Variants in USP38 observed in about 807,000 individuals in gnomAD.
USP38 encodes ubiquitin carboxyl-terminal hydrolase 38.
USP38 carries 49 observed loss-of-function variants against 94.3 expected under a neutral mutation model. The observed-to-expected ratio is 0.52, with a 90% CI of 0.41 to 0.66. The LOEUF (loss-of-function observed/expected upper bound fraction) is 0.66. Among genes scored for constraint, USP38 ranks in the 30% least tolerant of loss-of-function variants. The probability of loss-of-function intolerance (pLI) is 0.00; values close to 1 mark genes in which losing one functional copy is unlikely to be tolerated. For missense variants in USP38, 1,128 were observed against 1,229.4 expected, an observed-to-expected ratio of 0.92 and a Z score of 1.23; for synonymous variants, 468 against 463.6, an observed-to-expected ratio of 1.01 and a Z score of -0.12.
intron 2 of USP38, among the ~76,000 whole-genome samples, chr4:143,193,451 CT>C (rs1477545424): frequency 6.6e-6 from 1 of 152,166 alleles, no homozygotes. Flanking sequence ...TGTGTCTCTG[CT>C]TTGCTACTCT....
At chr4:143,190,123 C>G (rs1731353627) in intron 2 of USP38, among the ~76,000 whole-genome samples, 1 of 152,060 alleles carries the variant, frequency 6.6e-6, no homozygotes, top group African/African-American at 2.4e-5. Context: ...TGTAACAGCA[C>G]TAAAGTGTCT....
Position 143,185,790 on chromosome 4 carries a change from A to ATTATGAGCTGTCCG in USP38, c.342_355dup (p.Ser119LeufsTer2). The ATTATGAGCTGTCCG allele has an allele frequency of 6.2e-7, 1 of 1,614,208 alleles. No homozygotes were observed. Among genetic ancestry groups the ATTATGAGCTGTCCG allele is most frequent in the Non-Finnish European group, 8.5e-7 (1 of 1,180,030 alleles). On this transcript the variant is annotated frameshift_variant, in exon 1 of 10. Coordinates refer to ENST00000307017, the MANE Select transcript of USP38 (RefSeq NM_032557.6). LOFTEE classifies it high-confidence loss of function. ...CTACATTCACAACGGCCTGAAGCTG[A>ATTATGAGCTGTCCG]TTATGAGCTGTCCGTCGGTGCTGGA...
intron 7 of USP38, among the ~76,000 whole-genome samples, chr4:143,210,761 C>CA (rs973638847): frequency 2.0e-5 from 3 of 151,916 alleles, no homozygotes; most frequent in Middle Eastern, 3.4e-3. Context: ...CCAGAAGAAA[C>CA]AATAGGTTGA....
chr4:143,220,316 G>T lies in USP38; in HGVS notation c.2989G>T (p.Ala997Ser). Residue 997 changes from alanine to serine, a missense_variant, in exon 10 of 10, where the codon GCC becomes TCC. Transcript: ENST00000307017. ...TTAGGAACAAGAGTTGAATGCTCGAGCCCGGGCCCTCCAAGCTGCATCTGC... is the reference window on the plus strand; with the variant it reads ...TTAGGAACAAGAGTTGAATGCTCGATCCCGGGCCCTCCAAGCTGCATCTGC... ...YLQEQELNARARALQAASASC... is the reference protein window; with the variant it reads ...YLQEQELNARSRALQAASASC... The T allele has an allele frequency of 6.2e-7, 1 of 1,612,570 alleles. No individual in the cohort carries two copies.
intron 7 of USP38, 60 bp from the exon 8 acceptor site, chr4:143,212,258 A>G: frequency 1.5e-6 from 2 of 1,360,972 alleles, no homozygotes; most frequent in Non-Finnish European, 2.0e-6. Context: ...TTAAGATTTC[A>G]GTTACTTGGT....
At position 143,185,387 on chromosome 4, in the gene USP38, C is replaced by T; in HGVS notation, c.-64C>T. On this transcript the variant is annotated 5_prime_UTR_variant, in exon 1 of 10. Transcript: ENST00000307017. ...CATCTCCGCCCCGGGGCTCTCCTGCCCCACCTCGGGGCTGCCGCCACCCGC... is the reference window on the plus strand; with the variant it reads ...CATCTCCGCCCCGGGGCTCTCCTGCTCCACCTCGGGGCTGCCGCCACCCGC... The T allele has an allele frequency of 6.6e-7, 1 of 1,505,772 alleles. No homozygotes were observed. 93.3% of individuals were successfully genotyped at this position (1,505,772 alleles called of 1,614,324 possible).
Position 143,185,786 on chromosome 4 carries a change from G to T in USP38, c.336G>T (p.Lys112Asn). 4 of 1,614,212 alleles carry T rather than the reference G, an allele frequency of 2.5e-6. No homozygotes were observed. The highest frequency in any genetic ancestry group is 3.4e-6 in the Non-Finnish European group (4 of 1,180,032). Residue 112 changes from lysine to asparagine, a missense_variant, in exon 1 of 10, where the codon AAG (lysine) becomes AAT (asparagine). Lys to Asn is a moderately conservative substitution (Grantham distance 94, BLOSUM62 0). Coordinates refer to ENST00000307017, the MANE Select transcript of USP38 (RefSeq NM_032557.6). ...TGGACTACATTCACAACGGCCTGAAGCTGATTATGAGCTGTCCGTCGGTGC... is the reference window on the plus strand; with the variant it reads ...TGGACTACATTCACAACGGCCTGAATCTGATTATGAGCTGTCCGTCGGTGC... ...AILDYIHNGL[K>N]LIMSCPSVLD...
At chr4:143,190,055 T>C (rs1731351239) in intron 2 of USP38, among the ~76,000 whole-genome samples, 1 of 152,104 alleles carries the variant, frequency 6.6e-6, no homozygotes, top group Admixed American at 6.5e-5. Context: ...GTTCATCTCC[T>C]CATAATGTAA....
chr4:143,210,178 A>G (rs1731983864), intron 7 of USP38, among the ~76,000 whole-genome samples: 2 of 152,204 alleles, frequency 1.3e-5, no homozygotes, highest in Admixed American at 1.3e-4. Context: ...TTATGTCCAC[A>G]CATTAATCCG....
At chr4:143,200,452 A>G (rs1354466633) in intron 4 of USP38, among the ~76,000 whole-genome samples, 1 of 152,192 alleles carries the variant, frequency 6.6e-6, no homozygotes, top group East Asian at 1.9e-4. Flanking sequence ...AGCTAGAAGC[A>G]TTCCCCTTGA....
In USP38 at chr4:143,212,373, C is replaced by T; in HGVS notation, c.1553C>T (p.Thr518Ile). Residue 518 changes from threonine (T) to isoleucine (I), a missense_variant, in exon 8 of 10, where the codon ACT becomes ATT. By Grantham distance (89) the Thr-to-Ile change is moderately conservative. Transcript: ENST00000307017. ...FFEASRPPWF[T>I]PRSQQDCSEY... ...GAGGCTTCCAGACCTCCATGGTTTA[C>T]TCCCAGATCACAGCAAGACTGTTCT... 2 of 1,612,468 alleles carry T rather than the reference C, an allele frequency of 1.2e-6. No homozygotes were observed. Among genetic ancestry groups the T allele is most frequent in the South Asian group, 2.2e-5 (2 of 90,928 alleles).
chr4:143,205,956 A>T, intron 5 of USP38, 77 bp from the exon 6 acceptor site: 2 of 1,107,816 alleles, frequency 1.8e-6, no homozygotes, highest in Non-Finnish European at 2.5e-6. Context: ...GAATCTTCTT[A>T]ATGGTGTTAA....
chr4:143,198,937 A>AGGC (rs1398363680), intron 4 of USP38, among the ~76,000 whole-genome samples: 1 of 152,178 alleles, frequency 6.6e-6, no homozygotes, highest in Non-Finnish European at 1.5e-5. Flanking sequence ...CCTTGTCTTC[A>AGGC]GGCACAATCA....
rs1356098913 is a variant in USP38, at chr4:143,187,882, C to A, written c.739C>A (p.Gln247Lys). ...AAGCCTTGTGCAGCATATTCCTCTT[C>A]AGATGATTACAGTTCTCATCAGGAG... ...LASLVQHIPL[Q>K]MITVLIRSLT... The change falls in exon 2 of 10, where the codon CAG (glutamine) becomes AAG (lysine). Residue 247 changes from glutamine (Q) to lysine (K), a missense_variant. Coordinates refer to ENST00000307017, the MANE Select transcript of USP38 (RefSeq NM_032557.6). 3 of 1,613,772 alleles carry A rather than the reference C, an allele frequency of 1.9e-6. No homozygotes were observed. In the Admixed American group the frequency reaches 5.0e-5, roughly 27 times the overall value.
rs760183262 is a variant in USP38 at position 143,213,855 on chromosome 4, G to C, written c.1879G>C (p.Glu627Gln). Residue 627 changes from glutamate to glutamine, a missense_variant, in exon 9 of 10, where the codon GAA becomes CAA. By Grantham distance (29) the Glu-to-Gln change is conservative. Transcript: ENST00000307017. ...TGCCTTTTGTCCTTCCTCTTCTTTGGAAAACATGTCTGTCCAAGATCCAGC... is the reference window on the plus strand; with the variant it reads ...TGCCTTTTGTCCTTCCTCTTCTTTGCAAAACATGTCTGTCCAAGATCCAGC... ...SLAFCPSSSLENMSVQDPASS... is the reference protein window; with the variant it reads ...SLAFCPSSSLQNMSVQDPASS... The C allele has an allele frequency of 3.1e-6, 5 of 1,613,614 alleles. No individual in the cohort carries two copies. The highest frequency in any genetic ancestry group is 2.7e-5 in the African/African-American group (2 of 74,856).
chr4:143,206,018 C>T lies in USP38; in HGVS notation c.1210-15C>T. On this transcript the variant is annotated splice_polypyrimidine_tract_variant and intron_variant, in intron 5 of 9. Transcript: ENST00000307017. ...ACTTTACTTTTAAACTGTTTTTCTT[C>T]TTTATGACCTATAGGATTTTCCTAA... is the stretch of plus-strand genomic sequence containing the variant. The T allele has an allele frequency of 6.7e-7, 1 of 1,502,902 alleles. No homozygotes were observed. The highest frequency in any genetic ancestry group is 8.9e-7 in the Non-Finnish European group (1 of 1,126,282). The allele number at this position is 1,502,902 out of a possible 1,614,324, so 93.1% of individuals were successfully genotyped here.
In USP38 at chr4:143,222,843, T is replaced by C. The variant is rs548230860; in HGVS notation, c.*2387T>C. 1.3e-5 allele frequency: 2 copies of C among 152,244 alleles called. No individual in the cohort carries two copies. Among genetic ancestry groups the C allele is most frequent in the Admixed American group, 6.5e-5 (1 of 15,274 alleles). The allele number at this position is 152,244 out of a possible 1,614,324, so 9.4% of individuals were successfully genotyped here. On this transcript the variant is annotated 3_prime_UTR_variant, in exon 10 of 10. Coordinates refer to ENST00000307017, the MANE Select transcript of USP38 (RefSeq NM_032557.6). ...GTTAATTACAGATTTATTTGTCATATTAGGTCTTTTCTTTCTCCCATATTC... is the reference window on the plus strand; with the variant it reads ...GTTAATTACAGATTTATTTGTCATACTAGGTCTTTTCTTTCTCCCATATTC...
chr4:143,221,501 A>G lies in USP38; in HGVS notation c.*1045A>G, dbSNP rs1480116747. 1 of 152,492 alleles carries G rather than the reference A, an allele frequency of 6.6e-6. No homozygotes were observed. Among genetic ancestry groups the G allele is most frequent in the Non-Finnish European group, 1.5e-5 (1 of 67,946 alleles). The allele number at this position is 152,492 out of a possible 1,614,324, so 9.4% of individuals were successfully genotyped here. A position where few individuals can be genotyped will look rare whatever the true frequency, so the allele number is the denominator to read the frequency against. ...ATTGATCACATATTTTTAGAGTTTT[A>G]CATTTGGGTTTTTTGTTTGTTTGTT... On this transcript the variant is annotated 3_prime_UTR_variant, in exon 10 of 10. Coordinates refer to ENST00000307017, the MANE Select transcript of USP38 (RefSeq NM_032557.6).
At chr4:143,215,197 T>C in intron 9 of USP38, 1 of 452,234 alleles carries the variant, frequency 2.2e-6, no homozygotes, top group Non-Finnish European at 3.9e-6. Flanking sequence ...CATTCTGAAA[T>C]CATGCCATAC....
Sources: gnomAD v4.1 joint callset for allele counts (sites outside exome capture counted in the v4.1 genomes callset) on GRCh38, gnomAD v4.1.1 for gene constraint, MANE v1.5 for transcripts, NCBI Gene and HGNC (gene_info 2026-07-23, HGNC 2026-07-21) for gene names.